The following SAMD12 variants were observed in gnomAD, a reference collection of about 807,000 sequenced individuals.
SAMD12 encodes the protein sterile alpha motif domain-containing protein 12.
In SAMD12, 9 loss-of-function variants were observed where a neutral mutation model predicts 15.0. That is an observed-to-expected ratio of 0.60 (90% CI 0.36 to 1.05). SAMD12 has a LOEUF of 1.05. Among genes scored for constraint, SAMD12 ranks in the 50% least tolerant of loss-of-function variants. The pLI is 0.01. For synonymous variants in SAMD12, 86 were observed against 90.1 expected (o/e 0.96, Z 0.25); for missense variants, 230 against 234.2 (o/e 0.98, Z 0.12).
chr8:118,531,890 TCC>T (rs1825696995), intron 2 of SAMD12, among the ~76,000 whole-genome samples: 1 of 152,224 alleles, frequency 6.6e-6, no homozygotes, highest in African/African-American at 2.4e-5. Context: ...CAATTCGACT[TCC>T]TCTTTTCCTA....
intron 2 of SAMD12, among the ~76,000 whole-genome samples, chr8:118,456,784 GTGA>G (rs1823266547): frequency 6.6e-6 from 1 of 152,206 alleles, no homozygotes; most frequent in African/African-American, 2.4e-5. Context: ...GGAGTTTAGT[GTGA>G]ATAACACAAA....
intron 3 of SAMD12, among the ~76,000 whole-genome samples, chr8:118,405,498 T>TGGCAGA (rs1489630315): frequency 6.6e-6 from 1 of 152,126 alleles, no homozygotes; most frequent in Non-Finnish European, 1.5e-5. Context: ...GTTAGAATAG[T>TGGCAGA]GGTTACCTTG....
intron 4 of SAMD12, among the ~76,000 whole-genome samples, chr8:118,360,435 C>T (rs1428089939): frequency 2.6e-5 from 4 of 151,976 alleles, no homozygotes; most frequent in African/African-American, 9.7e-5. Flanking sequence ...ACTAAAACTG[C>T]CTATTTTATG....
Position 118,475,014 on chromosome 8 carries a change from G to A in SAMD12, c.193-35053C>T, listed in dbSNP as rs534475478. On this transcript the variant is annotated intron_variant, in intron 2 of 3. Coordinates refer to ENST00000314727, the MANE Select transcript of SAMD12 (RefSeq NM_207506.3). ...AGCAATTTGGGAGGCTGAGGTGGGC[G>A]GATCACTTGAGGTCAGGAGTTTGAG... Among the ~76,000 whole-genome samples the A allele has an allele frequency of 5.9e-5, 9 of 152,184 alleles. No homozygotes were observed. In the East Asian group the frequency reaches 7.8e-4, roughly 13 times the overall value.
chr8:118,245,580 G>A (rs1812671043), intron 4 of SAMD12, among the ~76,000 whole-genome samples: 1 of 152,052 alleles, frequency 6.6e-6, no homozygotes, highest in African/African-American at 2.4e-5. Flanking sequence ...AAGAAGTAGT[G>A]GTACCAGAAT....
intron 1 of SAMD12, among the ~76,000 whole-genome samples, chr8:118,620,163 C>A (rs565934587): frequency 2.6e-5 from 4 of 152,030 alleles, no homozygotes; most frequent in African/African-American, 9.7e-5. Context: ...TTACAGGGAA[C>A]AAGAAATTGT....
chr8:118,429,574 G>T (rs1822335856), intron 3 of SAMD12, among the ~76,000 whole-genome samples: 1 of 151,368 alleles, frequency 6.6e-6, no homozygotes, highest in African/African-American at 2.4e-5. Context: ...TATTTCACTG[G>T]CCAGGGTCTT....
intron 4 of SAMD12, among the ~76,000 whole-genome samples, chr8:118,331,504 C>T (rs1024757449): frequency 7.2e-5 from 11 of 152,096 alleles, no homozygotes; most frequent in South Asian, 2.1e-4. Flanking sequence ...TTTGTCTATG[C>T]GGTTTTCAGG....
At chr8:118,471,663 A>G (rs1283495112) in intron 2 of SAMD12, among the ~76,000 whole-genome samples, 1 of 152,206 alleles carries the variant, frequency 6.6e-6, no homozygotes, top group African/African-American at 2.4e-5. Context: ...TTAAGCAAAA[A>G]TAACTCATCT....
At chr8:118,163,308 G>A in the SAMD12 span, among the ~76,000 whole-genome samples, 1 of 152,092 alleles carries the variant, frequency 6.6e-6, no homozygotes, top group African/African-American at 2.4e-5. Flanking sequence ...TCAAAATCCT[G>A]GGCTCAAGCA....
At chr8:118,488,649 G>A (rs911908993) in intron 2 of SAMD12, among the ~76,000 whole-genome samples, 1 of 152,108 alleles carries the variant, frequency 6.6e-6, no homozygotes, top group Non-Finnish European at 1.5e-5. Flanking sequence ...TCTGTGTCTG[G>A]CTCCTTTTGT....
At chr8:118,291,179 A>G (rs1001926047) in intron 4 of SAMD12, 10 of 152,194 alleles carry the variant, frequency 6.6e-5, no homozygotes, top group Non-Finnish European at 4.4e-5. Context: ...ACTTCATGTT[A>G]TCTTTATACA....
At chr8:118,479,868 T>C (rs1357685689) in intron 2 of SAMD12, among the ~76,000 whole-genome samples, 1 of 152,008 alleles carries the variant, frequency 6.6e-6, no homozygotes, top group East Asian at 1.9e-4. Context: ...CCCTGGACAC[T>C]ATCACAGGCC....
intron 4 of SAMD12, among the ~76,000 whole-genome samples, chr8:118,294,376 G>T (rs867780052): frequency 6.6e-6 from 1 of 152,182 alleles, no homozygotes; most frequent in East Asian, 1.9e-4. Flanking sequence ...GGCATGCGGC[G>T]TCATCAGCAA....
At chr8:118,398,183 G>A (rs2130778339) in intron 3 of SAMD12, among the ~76,000 whole-genome samples, 1 of 152,230 alleles carries the variant, frequency 6.6e-6, no homozygotes, top group Non-Finnish European at 1.5e-5. Context: ...GATCATTTGA[G>A]GTCAGCACTT....
chr8:118,389,834 T>G (rs773347846), intron 3 of SAMD12, among the ~76,000 whole-genome samples: 3 of 152,240 alleles, frequency 2.0e-5, no homozygotes, highest in Non-Finnish European at 4.4e-5. Context: ...GCTACTTCTT[T>G]TATTTTTAAG....
chr8:118,202,049 A>G (rs991583297), intron 4 of SAMD12, among the ~76,000 whole-genome samples: 2 of 152,204 alleles, frequency 1.3e-5, no homozygotes, highest in African/African-American at 4.8e-5. Flanking sequence ...TGTTGAACAC[A>G]TGAATTTTTC....
intron 4 of SAMD12, among the ~76,000 whole-genome samples, chr8:118,345,698 G>C (rs1381146936): frequency 1.3e-5 from 2 of 152,218 alleles, no homozygotes; most frequent in Admixed American, 1.3e-4. Flanking sequence ...CTAGTCCCTG[G>C]TGGCTTGTTG....
chr8:118,414,632 G>C (rs866147861), intron 3 of SAMD12, among the ~76,000 whole-genome samples: 15 of 152,274 alleles, frequency 9.9e-5, no homozygotes, highest in South Asian at 2.1e-4. Context: ...AGAGTTTGGT[G>C]GTGGGGTAGG....
Sources: allele counts gnomAD v4.1 joint callset (sites outside exome capture counted in the v4.1 genomes callset), GRCh38; gene constraint gnomAD v4.1.1; transcripts MANE v1.5; gene names NCBI Gene and HGNC (gene_info 2026-07-23, HGNC 2026-07-21).